Variants in ACACB observed in about 807,000 individuals in gnomAD.
The protein encoded by ACACB is acetyl-CoA carboxylase 2.
Under a neutral mutation model 278.8 loss-of-function variants are expected in ACACB, and 209 were observed. That is an observed-to-expected ratio of 0.75 (90% CI 0.67 to 0.84). The LOEUF is 0.84. Ranked by LOEUF, ACACB falls within the 40% of genes least tolerant of loss-of-function variation. The pLI is 0.00. For missense variants in ACACB, 2,850 were observed against 3,269.0 expected (o/e 0.87, Z 3.13); for synonymous variants, 1,174 against 1,285.6 (o/e 0.91, Z 1.86).
chr12:109,227,608 G>A (rs1487928591), intron 28 of ACACB, 119 bp downstream of exon 28: 20 of 903,348 alleles, frequency 2.2e-5, no homozygotes, highest in Non-Finnish European at 3.1e-5. Flanking sequence ...AGACATCAGC[G>A]ATAAGCACTT....
intron 33 of ACACB, chr12:109,236,106 A>C (rs2046626138): frequency 1.3e-5 from 2 of 158,758 alleles, no homozygotes; most frequent in African/African-American, 4.8e-5. Flanking sequence ...AGCTGGGACT[A>C]TAGGCACATG....
chr12:109,206,562 T>C (rs754230058), intron 19 of ACACB, 148 bp from the exon 20 acceptor site: 62 of 1,012,500 alleles, frequency 6.1e-5, no homozygotes, highest in Non-Finnish European at 8.3e-5. Context: ...GTTTTAACTT[T>C]CCAGTTCATT....
At chr12:109,235,192 T>C in intron 31 of ACACB, 121 bp from the exon 32 acceptor site, 1 of 820,954 alleles carries the variant, frequency 1.2e-6, no homozygotes, top group Admixed American at 1.9e-5. Flanking sequence ...AGGTCTCTTA[T>C]GATTGACATC....
chr12:109,212,797 A>G (rs1403965445), intron 21 of ACACB, 39 bp from the exon 22 acceptor site: 1 of 1,546,278 alleles, frequency 6.5e-7, no homozygotes, highest in Non-Finnish European at 8.9e-7. Flanking sequence ...GTGTCATCTG[A>G]ATCATCAGCA....
intron 11 of ACACB, among the ~76,000 whole-genome samples, chr12:109,183,038 A>T (rs2044532980): frequency 6.6e-6 from 1 of 152,178 alleles, no homozygotes; most frequent in Non-Finnish European, 1.5e-5. Flanking sequence ...TATCGAAGAG[A>T]CTTTTTCCCC....
intron 22 of ACACB, among the ~76,000 whole-genome samples, chr12:109,214,738 G>A (rs1287246421): frequency 2.6e-5 from 4 of 152,144 alleles, no homozygotes; most frequent in African/African-American, 7.2e-5. Context: ...ACTCAGTGGC[G>A]CATCTCCTGA....
chr12:109,208,207 C>A (rs952072389), intron 20 of ACACB, among the ~76,000 whole-genome samples: 3 of 149,864 alleles, frequency 2.0e-5, no homozygotes, highest in Non-Finnish European at 4.4e-5. Context: ...ATTATTACCA[C>A]CATTGCAACA....
intron 13 of ACACB, among the ~76,000 whole-genome samples, chr12:109,188,419 T>TCCTC: frequency 1.8e-5 from 2 of 113,186 alleles, no homozygotes; most frequent in African/African-American, 6.9e-5. Flanking sequence ...CCTTCCTTCC[T>TCCTC]CCCGTCCTTC....
chr12:109,225,174 G>A (rs1038547674), intron 27 of ACACB, among the ~76,000 whole-genome samples: 1 of 152,148 alleles, frequency 6.6e-6, no homozygotes, highest in African/African-American at 2.4e-5. Flanking sequence ...TTTTTGTTTT[G>A]TTAGAGACAG....
intron 14 of ACACB, 37 bp from the exon 15 acceptor site, chr12:109,191,810 C>T (rs377153787): frequency 1.8e-4 from 296 of 1,614,102 alleles, no homozygotes; most frequent in African/African-American, 8.7e-4. Context: ...GCCGAGACCT[C>T]GGCTTCCTGA....
intron 4 of ACACB, among the ~76,000 whole-genome samples, chr12:109,171,185 A>T (rs2044103663): frequency 6.6e-6 from 1 of 151,622 alleles, no homozygotes; most frequent in South Asian, 2.1e-4. Flanking sequence ...AAACAATATT[A>T]AGATAAACTT....
intron 1 of ACACB, among the ~76,000 whole-genome samples, chr12:109,136,514 G>C (rs780901463): frequency 2.0e-5 from 3 of 152,094 alleles, no homozygotes; most frequent in Non-Finnish European, 4.4e-5. Flanking sequence ...TCCTAGGTAG[G>C]AAACAAGTGT....
intron 28 of ACACB, among the ~76,000 whole-genome samples, chr12:109,230,372 T>C (rs73398067): frequency 0.019 from 2,932 of 152,168 alleles, 79 homozygotes; most frequent in African/African-American, 0.067. Context: ...AGAGCAGTGG[T>C]GGTGTAAGAT....
At chr12:109,244,174 C>T (rs559792338) in intron 37 of ACACB, among the ~76,000 whole-genome samples, 1 of 152,126 alleles carries the variant, frequency 6.6e-6, no homozygotes, top group African/African-American at 2.4e-5. Flanking sequence ...AAGTGAATGA[C>T]GTTCATGAAA....
At chr12:109,222,948 C>A (rs749914373) in intron 26 of ACACB, 36 bp downstream of exon 26, 1 of 1,524,038 alleles carries the variant, frequency 6.6e-7, no homozygotes, top group South Asian at 1.2e-5. Context: ...ATCTGCAGAG[C>A]ACACACTGTG....
rs779252411 is a variant in ACACB at position 109,210,107 on chromosome 12, A to ATGTGTATATG, written c.3249+757_3249+758insGTATATGTGT. The stretch of plus-strand genomic sequence containing the variant: ...TATATATACACACATGTGTGTGTAT[A>ATGTGTATATG]TGTATATATACACGTACATGTATGT... On this transcript the variant is annotated intron_variant, in intron 21 of 52. Coordinates refer to ENST00000338432, the MANE Select transcript of ACACB (RefSeq NM_001093.4). Among the ~76,000 whole-genome samples, 548 of 103,274 alleles carry ATGTGTATATG rather than the reference A, an allele frequency of 5.3e-3. 109 individuals carry two copies. Among genetic ancestry groups the ATGTGTATATG allele is most frequent in the African/African-American group, 0.022 (508 of 23,056 alleles). The allele number at this position is 103,274 out of a possible 152,430, so 67.8% of individuals were successfully genotyped here. A position where few individuals can be genotyped will look rare whatever the true frequency, so the allele number is the denominator to read the frequency against.
At chr12:109,183,374 A>G (rs140464639) in intron 11 of ACACB, among the ~76,000 whole-genome samples, 91 of 152,212 alleles carry the variant, frequency 6.0e-4, no homozygotes, top group African/African-American at 1.9e-3. Flanking sequence ...GCTTTGGGTA[A>G]TATAGCCATT....
At chr12:109,226,770 G>A (rs921679740) in intron 27 of ACACB, among the ~76,000 whole-genome samples, 2 of 150,786 alleles carry the variant, frequency 1.3e-5, no homozygotes, top group Admixed American at 6.6e-5. Context: ...AGCTACGTCC[G>A]TGCTAACAGC....
chr12:109,266,166 C>T, intron 52 of ACACB, 70 bp from the exon 53 acceptor site: 6 of 1,554,392 alleles, frequency 3.9e-6, no homozygotes, highest in South Asian at 3.7e-5. Context: ...CACACAAGGA[C>T]TCTGCCACCC....
Sources: allele counts gnomAD v4.1 joint callset (sites outside exome capture counted in the v4.1 genomes callset), GRCh38; gene constraint gnomAD v4.1.1; transcripts MANE v1.5; gene names NCBI Gene and HGNC (gene_info 2026-07-23, HGNC 2026-07-21).